Variants in FXN observed in about 807,000 individuals in gnomAD.
The protein encoded by FXN is frataxin, mitochondrial.
A neutral mutation model predicts 22.4 loss-of-function variants in FXN; 14 were observed. The ratio of observed to expected loss-of-function variants is 0.62; its 90% CI spans 0.41 to 0.98. The LOEUF is 0.98. Ranked by LOEUF, FXN falls within the 50% of genes least tolerant of loss-of-function variation. FXN has a pLI of 0.00. For missense variants in FXN, 267 were observed against 268.4 expected (o/e 0.99, Z 0.04); for synonymous variants, 120 against 114.1 (o/e 1.05, Z -0.33).
Position 69,064,305 on chromosome 9 carries a change from G to A in FXN, c.385-633G>A, listed in dbSNP as rs187209356. 2.0e-5 allele frequency among the ~76,000 whole-genome samples: 3 copies of A among 152,292 alleles called. No homozygotes were observed. The East Asian group carries it at 5.8e-4, about 29-fold the overall frequency. On this transcript the variant is annotated intron_variant, in intron 3 of 4. Transcript: ENST00000484259. Reference sequence around the variant, plus strand: ...CCAACTAGTCTTTTGAAGAATTCAAGGCTCTTTAGAGAAAAATAAAGCCTT... The same window carrying A: ...CCAACTAGTCTTTTGAAGAATTCAAAGCTCTTTAGAGAAAAATAAAGCCTT...
At chr9:69,070,410 A>G (rs1159830424) in intron 4 of FXN, among the ~76,000 whole-genome samples, 1 of 152,180 alleles carries the variant, frequency 6.6e-6, no homozygotes, top group Admixed American at 6.5e-5. Context: ...CCCACAGCTG[A>G]CAGGGGCTCA....
At chr9:69,066,325 A>G (rs981844519) in intron 4 of FXN, among the ~76,000 whole-genome samples, 34 of 152,196 alleles carry the variant, frequency 2.2e-4, no homozygotes, top group Non-Finnish European at 4.6e-4. Flanking sequence ...ATTTTTAGGT[A>G]ATTAATATTT....
intron 4 of FXN, among the ~76,000 whole-genome samples, chr9:69,066,867 A>AT (rs540231506): frequency 0.11 from 11,666 of 110,052 alleles, 508 homozygotes; most frequent in African/African-American, 0.15. Context: ...TCAAAAAAAA[A>AT]AAATATATAT....
At chr9:69,055,496 CT>C (rs780057588) in intron 3 of FXN, among the ~76,000 whole-genome samples, 341 of 140,378 alleles carry the variant, frequency 2.4e-3, no homozygotes, top group Middle Eastern at 3.7e-3. Flanking sequence ...TCTTCTTCTT[CT>C]TTTTTTTTTT....
In FXN at chr9:69,051,601, C is replaced by T. The variant is rs550921629; in HGVS notation, c.264-1539C>T. Among the ~76,000 whole-genome samples, 21 of 152,132 alleles carry T rather than the reference C, an allele frequency of 1.4e-4. 1 individual carries two copies. The South Asian group carries it at 4.4e-3, about 32-fold the overall frequency. On this transcript the variant is annotated intron_variant, in intron 2 of 4. Transcript: ENST00000484259. Reference sequence around the variant, plus strand: ...ATTGCTACCTTATCTTCAGCCCTTGCCTTTAAGAGGCAAATGAACACAAAA... The same window carrying T: ...ATTGCTACCTTATCTTCAGCCCTTGTCTTTAAGAGGCAAATGAACACAAAA...
In FXN at chr9:69,073,014, A is replaced by G. The variant is rs1236045492; in HGVS notation, c.*252A>G. ...TTTCCTCCCTCACATGATACCCCTT[A>G]TCTTTTATAATGTCTTATGCCTATA... On this transcript the variant is annotated 3_prime_UTR_variant, in exon 5 of 5. Coordinates refer to ENST00000484259, the MANE Select transcript of FXN (RefSeq NM_000144.5). The G allele has an allele frequency of 1.5e-5, 21 of 1,399,472 alleles. No homozygotes were observed. Among genetic ancestry groups the G allele is most frequent in the South Asian group, 1.2e-4 (8 of 64,576 alleles). 86.7% of individuals were successfully genotyped at this position (1,399,472 alleles called of 1,614,324 possible).
chr9:69,075,885 T>C lies in FXN; in HGVS notation c.*3123T>C. Reference sequence around the variant, plus strand: ...ATAGCTGGCTAATTTGTGTATTTTTTGTAGAGATGGGGTTTCACCATGTTG... The same window carrying C: ...ATAGCTGGCTAATTTGTGTATTTTTCGTAGAGATGGGGTTTCACCATGTTG... On this transcript the variant is annotated 3_prime_UTR_variant, in exon 5 of 5. Coordinates refer to ENST00000484259, the MANE Select transcript of FXN (RefSeq NM_000144.5). The C allele has an allele frequency of 1.8e-6, 1 of 567,750 alleles. No individual in the cohort carries two copies. The highest frequency in any genetic ancestry group is 2.2e-6 in the Non-Finnish European group (1 of 449,230). The allele number at this position is 567,750 out of a possible 1,614,324, so 35.2% of individuals were successfully genotyped here. A position where few individuals can be genotyped will look rare whatever the true frequency, so the allele number is the denominator to read the frequency against.
chr9:69,055,878 T>C (rs1240591918), intron 3 of FXN, among the ~76,000 whole-genome samples: 1 of 150,972 alleles, frequency 6.6e-6, no homozygotes, highest in Non-Finnish European at 1.5e-5. Flanking sequence ...TATAAAAATA[T>C]GGTATTTAGT....
chr9:69,075,466 A>ATAAG lies in FXN; in HGVS notation c.*2707_*2708insGTAA, dbSNP rs1263603728. On this transcript the variant is annotated 3_prime_UTR_variant, in exon 5 of 5. Coordinates refer to ENST00000484259, the MANE Select transcript of FXN (RefSeq NM_000144.5). ...CAGAGCCATACTCCGTCTCAAATAA[A>ATAAG]TAAATAAATAAATAAAGGGACTTCA... 4.7e-5 allele frequency: 46 copies of ATAAG among 974,394 alleles called. No homozygotes were observed. The South Asian group carries it at 1.6e-3, about 35-fold the overall frequency. 60.4% of individuals were successfully genotyped at this position (974,394 alleles called of 1,614,324 possible). A position where few individuals can be genotyped will look rare whatever the true frequency, so the allele number is the denominator to read the frequency against.
chr9:69,052,725 G>A (rs1831876232), intron 2 of FXN, among the ~76,000 whole-genome samples: 1 of 151,704 alleles, frequency 6.6e-6, no homozygotes, highest in Admixed American at 6.6e-5. Context: ...TGTATTTTCA[G>A]TAGAGACGGG....
chr9:69,071,200 C>G (rs944852675), intron 4 of FXN: 2 of 518,874 alleles, frequency 3.9e-6, no homozygotes, highest in Admixed American at 3.9e-5. Flanking sequence ...AGTATAGGGC[C>G]AAGGGGACGG....
chr9:69,065,073 T>G, intron 4 of FXN, 38 bp downstream of exon 4: 1 of 1,477,480 alleles, frequency 6.8e-7, no homozygotes, highest in Non-Finnish European at 9.5e-7. Context: ...TATGTAATTC[T>G]TAAAGACTTC....
chr9:69,074,795 A>C lies in FXN; in HGVS notation c.*2033A>C, dbSNP rs1352801332. 1 of 941,032 alleles carries C rather than the reference A, an allele frequency of 1.1e-6. No homozygotes were observed. Among genetic ancestry groups the C allele is most frequent in the Non-Finnish European group, 1.3e-6 (1 of 789,638 alleles). The allele number at this position is 941,032 out of a possible 1,614,324, so 58.3% of individuals were successfully genotyped here. On this transcript the variant is annotated 3_prime_UTR_variant, in exon 5 of 5. Transcript: ENST00000484259. The stretch of plus-strand genomic sequence containing the variant: ...AGTATAAACAAAAGCTAAATAGGTA[A>C]AATATTTTTTCTGAAATAAAATTAT...
chr9:69,076,460 T>C lies in FXN; in HGVS notation c.*3698T>C. ...AACTTCGTATTAGATTCTGATTCCC[T>C]GGAACCATTTATCGTGTGCCTTACC... On this transcript the variant is annotated 3_prime_UTR_variant, in exon 5 of 5. Transcript: ENST00000484259. 2.0e-6 allele frequency: 2 copies of C among 985,434 alleles called. No individual in the cohort carries two copies. The highest frequency in any genetic ancestry group is 1.7e-5 in the African/African-American group (1 of 57,370). 61.0% of individuals were successfully genotyped at this position (985,434 alleles called of 1,614,324 possible).
Position 69,078,538 on chromosome 9 carries a change from G to A in FXN, c.*5776G>A. 2.0e-6 allele frequency: 2 copies of A among 985,468 alleles called. No individual in the cohort carries two copies. The highest frequency in any genetic ancestry group is 2.4e-6 in the Non-Finnish European group (2 of 829,946). The allele number at this position is 985,468 out of a possible 1,614,324, so 61.0% of individuals were successfully genotyped here. A position where few individuals can be genotyped will look rare whatever the true frequency, so the allele number is the denominator to read the frequency against. On this transcript the variant is annotated 3_prime_UTR_variant, in exon 5 of 5. Transcript: ENST00000484259. ...TCTGTAAAACCTAAGCAGGACCAAG[G>A]CCAAGTTTCTTAGCCTGAAAAATGT...
chr9:69,073,002 A>G lies in FXN; in HGVS notation c.*240A>G, dbSNP rs1420631060. 3 of 1,423,594 alleles carry G rather than the reference A, an allele frequency of 2.1e-6. No homozygotes were observed. The highest frequency in any genetic ancestry group is 2.6e-5 in the East Asian group (1 of 38,946). The allele number at this position is 1,423,594 out of a possible 1,614,324, so 88.2% of individuals were successfully genotyped here. On this transcript the variant is annotated 3_prime_UTR_variant, in exon 5 of 5. Transcript: ENST00000484259. ...TGGATTGTCGGATTTCCTCCCTCAC[A>G]TGATACCCCTTATCTTTTATAATGT...
Position 69,076,683 on chromosome 9 carries a change from G to GGTTAGTC in FXN, c.*3921_*3922insGTTAGTC. 8 of 985,412 alleles carry GGTTAGTC rather than the reference G, an allele frequency of 8.1e-6. No individual in the cohort carries two copies. Among genetic ancestry groups the GGTTAGTC allele is most frequent in the Non-Finnish European group, 9.6e-6 (8 of 829,940 alleles). The allele number at this position is 985,412 out of a possible 1,614,324, so 61.0% of individuals were successfully genotyped here. A position where few individuals can be genotyped will look rare whatever the true frequency, so the allele number is the denominator to read the frequency against. ...GATGGAGTTTGTGTGGACTAACCAT[G>GGTTAGTC]CAAGGTTGCCAAGGAAAAATCGCTT... On this transcript the variant is annotated 3_prime_UTR_variant, in exon 5 of 5. Transcript: ENST00000484259.
Position 69,076,581 on chromosome 9 carries a change from T to C in FXN, c.*3819T>C. The C allele has an allele frequency of 1.0e-6, 1 of 985,464 alleles. No homozygotes were observed. The highest frequency in any genetic ancestry group is 1.2e-6 in the Non-Finnish European group (1 of 829,928). 61.0% of individuals were successfully genotyped at this position (985,464 alleles called of 1,614,324 possible). ...TGCATTAAATTATAGGTTTACAATATGCTTTATCCAGCTATACCTGCCCCA... is the reference window on the plus strand; with the variant it reads ...TGCATTAAATTATAGGTTTACAATACGCTTTATCCAGCTATACCTGCCCCA... On this transcript the variant is annotated 3_prime_UTR_variant, in exon 5 of 5. Transcript: ENST00000484259.
chr9:69,046,527 T>G, intron 2 of FXN, 45 bp downstream of exon 2: 3 of 1,336,864 alleles, frequency 2.2e-6, no homozygotes, highest in African/African-American at 1.4e-5. Context: ...TCCTCTCTCC[T>G]TCCCTGCCTC....
Sources: allele counts gnomAD v4.1 joint callset (sites outside exome capture counted in the v4.1 genomes callset), GRCh38; gene constraint gnomAD v4.1.1; transcripts MANE v1.5; gene names NCBI Gene and HGNC (gene_info 2026-07-23, HGNC 2026-07-21).